The following CNTNAP5 variants were observed in gnomAD, a reference collection of about 807,000 sequenced individuals.
The protein encoded by CNTNAP5 is contactin-associated protein-like 5.
Under a neutral mutation model 150.2 loss-of-function variants are expected in CNTNAP5, and 72 were observed. The ratio of observed to expected loss-of-function variants is 0.48; its 90% confidence interval spans 0.40 to 0.58. CNTNAP5 has a LOEUF of 0.58. Ranked by LOEUF, CNTNAP5 falls within the 20% of genes least tolerant of loss-of-function variation. The pLI is 0.00. For missense variants in CNTNAP5, 1,636 were observed against 1,626.2 expected (o/e 1.01, Z -0.10); for synonymous variants, 672 against 619.8 (o/e 1.08, Z -1.25).
At chr2:124,619,822 C>G (rs1181385347) in intron 12 of CNTNAP5, among the ~76,000 whole-genome samples, 1 of 142,324 alleles carries the variant, frequency 7.0e-6, no homozygotes, top group African/African-American at 2.7e-5. Flanking sequence ...AAATCAATCT[C>G]CTTCTCTCAC....
chr2:124,108,936 T>C (rs1279864708), intron 1 of CNTNAP5, among the ~76,000 whole-genome samples: 1 of 152,152 alleles, frequency 6.6e-6, no homozygotes, highest in Non-Finnish European at 1.5e-5. Flanking sequence ...CCCACAATTC[T>C]AGTAAACCAC....
At chr2:124,683,260 A>G (rs757051497) in intron 13 of CNTNAP5, among the ~76,000 whole-genome samples, 15 of 152,178 alleles carry the variant, frequency 9.9e-5, no homozygotes, top group East Asian at 7.7e-4. Flanking sequence ...GCTGGATTTT[A>G]TTTTTTAATG....
At chr2:124,818,858 C>T (rs1682425285) in intron 19 of CNTNAP5, among the ~76,000 whole-genome samples, 1 of 152,186 alleles carries the variant, frequency 6.6e-6, no homozygotes, top group African/African-American at 2.4e-5. Flanking sequence ...AGACTTTTTT[C>T]ACCTACTGTC....
chr2:124,920,464 G>A lies in CNTNAP5; in HGVS notation c.*6176G>A, dbSNP rs1678851107. Among the ~76,000 whole-genome samples, 1 of 152,080 alleles carries A rather than the reference G, an allele frequency of 6.6e-6. No homozygotes were observed. The highest frequency in any genetic ancestry group is 2.4e-5 in the African/African-American group (1 of 41,444). ...TCTTTGAAAGGTAGTATCAACCTGTGTAACCTTGTCCTGCCTTAAATACTG... is the reference window on the plus strand; with the variant it reads ...TCTTTGAAAGGTAGTATCAACCTGTATAACCTTGTCCTGCCTTAAATACTG... On this transcript the variant is annotated 3_prime_UTR_variant, in exon 24 of 24. Transcript: ENST00000682447.
intron 14 of CNTNAP5, among the ~76,000 whole-genome samples, chr2:124,760,125 T>A (rs996495): frequency 0.98 from 149,458 of 151,828 alleles, 73,609 homozygotes; most frequent in Middle Eastern, 1. Context: ...ATAAGAAATG[T>A]AAAACATCAT....
At chr2:124,759,938 CTT>C (rs571408475) in intron 14 of CNTNAP5, among the ~76,000 whole-genome samples, 35,691 of 82,558 alleles carry the variant, frequency 0.43, 6,739 homozygotes, top group East Asian at 0.68. Context: ...ACTCCTCGGT[CTT>C]TTTTTTTTTT....
chr2:124,454,766 A>G (rs763084655), intron 6 of CNTNAP5, among the ~76,000 whole-genome samples: 1 of 152,190 alleles, frequency 6.6e-6, no homozygotes, highest in South Asian at 2.1e-4. Flanking sequence ...AATACATGGA[A>G]ATTAAATAAC....
chr2:124,504,601 T>C (rs1694359048), intron 8 of CNTNAP5, 45 bp downstream of exon 8: 2 of 1,591,164 alleles, frequency 1.3e-6, no homozygotes, highest in Middle Eastern at 4.1e-4. Flanking sequence ...TTTATCCAAG[T>C]CGACAAAGGT....
intron 19 of CNTNAP5, among the ~76,000 whole-genome samples, chr2:124,859,331 G>C (rs1001573776): frequency 5.9e-5 from 9 of 152,208 alleles, no homozygotes; most frequent in African/African-American, 2.2e-4. Context: ...CTGGCCATCA[G>C]AGAAATGCAA....
intron 3 of CNTNAP5, among the ~76,000 whole-genome samples, chr2:124,348,290 C>T (rs904017593): frequency 6.6e-6 from 1 of 152,044 alleles, no homozygotes; most frequent in Admixed American, 6.6e-5. Context: ...TTTACTTATT[C>T]CTTTTAATTT....
rs1214169811 is a variant in CNTNAP5 at position 124,571,527 on chromosome 2, CTT to C, written c.1756+8224_1756+8225del. 1.0e-2 allele frequency among the ~76,000 whole-genome samples: 466 copies of C among 46,802 alleles called. 4 individuals carry two copies. Among genetic ancestry groups the C allele is most frequent in the Middle Eastern group, 0.021 (1 of 48 alleles). 30.7% of individuals were successfully genotyped at this position (46,802 alleles called of 152,430 possible). On this transcript the variant is annotated intron_variant, in intron 11 of 23. Transcript: ENST00000682447. Reference sequence around the variant, plus strand: ...CACTGAGTACTTTTTTTTCTTTTTTCTTTTTTTTTTTTTTTTTTTTTGAGACA... The same window carrying C: ...CACTGAGTACTTTTTTTTCTTTTTTCTTTTTTTTTTTTTTTTTTTGAGACA...
At chr2:124,899,828 G>T (rs1678379441) in intron 21 of CNTNAP5, among the ~76,000 whole-genome samples, 1 of 151,398 alleles carries the variant, frequency 6.6e-6, no homozygotes, top group Non-Finnish European at 1.5e-5. Flanking sequence ...ACAGAAAAAT[G>T]AATTAGGAAA....
chr2:124,571,013 A>T (rs1422974141), intron 11 of CNTNAP5, among the ~76,000 whole-genome samples: 1 of 152,234 alleles, frequency 6.6e-6, no homozygotes, highest in Non-Finnish European at 1.5e-5. Flanking sequence ...TATGGGGCTA[A>T]TGATAGCAAT....
chr2:124,367,544 G>C (rs1008662017), intron 3 of CNTNAP5, among the ~76,000 whole-genome samples: 6 of 152,124 alleles, frequency 3.9e-5, no homozygotes, highest in Admixed American at 6.5e-5. Context: ...TTCAAGATGA[G>C]ATTTGGGTGG....
At chr2:124,885,362 GA>G (rs1678056575) in intron 21 of CNTNAP5, among the ~76,000 whole-genome samples, 1 of 151,960 alleles carries the variant, frequency 6.6e-6, no homozygotes, top group African/African-American at 2.4e-5. Flanking sequence ...GGGCTTGATT[GA>G]ATAAGTAGGG....
At chr2:124,803,752 C>A (rs951550166) in intron 19 of CNTNAP5, among the ~76,000 whole-genome samples, 1 of 152,138 alleles carries the variant, frequency 6.6e-6, no homozygotes, top group Non-Finnish European at 1.5e-5. Context: ...TCAAGGGAGG[C>A]AAGAATAAGA....
chr2:124,743,808 TA>T (rs1002309009), intron 13 of CNTNAP5, among the ~76,000 whole-genome samples: 7 of 152,196 alleles, frequency 4.6e-5, no homozygotes, highest in Non-Finnish European at 1.0e-4. Context: ...TAAACCTTCC[TA>T]TTGGAACATT....
At chr2:124,713,297 CTTTCTT>C (rs1558746809) in intron 13 of CNTNAP5, among the ~76,000 whole-genome samples, 28 of 102,664 alleles carry the variant, frequency 2.7e-4, no homozygotes, top group South Asian at 1.8e-3. Context: ...TTCTTTCTTT[CTTTCTT>C]CTTTCTCTTT....
intron 3 of CNTNAP5, among the ~76,000 whole-genome samples, chr2:124,311,913 A>G (rs1688841191): frequency 6.6e-6 from 1 of 152,226 alleles, no homozygotes; most frequent in South Asian, 2.1e-4. Context: ...TGATCATACA[A>G]ACTGGCTCAT....
Sources: allele counts gnomAD v4.1 joint callset (sites outside exome capture counted in the v4.1 genomes callset), GRCh38; gene constraint gnomAD v4.1.1; transcripts MANE v1.5; gene names NCBI Gene and HGNC (gene_info 2026-07-23, HGNC 2026-07-21).